SLC24A3: variants seen among roughly 807,000 people sequenced by gnomAD.
SLC24A3 encodes the protein solute carrier family 24 member 3, also known as sodium/potassium/calcium exchanger 3.
In SLC24A3, 28 loss-of-function variants were observed where a neutral mutation model predicts 75.8. The observed-to-expected ratio is 0.37, with a 90% confidence interval of 0.27 to 0.51. SLC24A3 has a LOEUF of 0.51. Among genes scored for constraint, SLC24A3 ranks in the 20% least tolerant of loss-of-function variants. The probability of loss-of-function intolerance (pLI) is 0.94; values close to 1 mark genes in which losing one functional copy is unlikely to be tolerated. For synonymous variants in SLC24A3, 372 were observed against 334.1 expected, an observed-to-expected ratio of 1.11 and a Z score of -1.24; for missense variants, 663 against 847.8, an observed-to-expected ratio of 0.78 and a Z score of 2.71.
In SLC24A3 at chr20:19,362,704, C is replaced by T. The variant is rs530552594; in HGVS notation, c.271+81617C>T. On this transcript the variant is annotated intron_variant, in intron 2 of 16. Transcript: ENST00000328041. ...CCCAAAGTAGAAGGAGGACTTGAAC[C>T]GACGTCTCCTGTGTCCCCTGCTGTT... Among the ~76,000 whole-genome samples the T allele has an allele frequency of 1.8e-4, 28 of 152,206 alleles. 1 individual carries two copies. Among genetic ancestry groups the T allele is most frequent in the African/African-American group, 6.0e-4 (25 of 41,512 alleles).
intron 1 of SLC24A3, among the ~76,000 whole-genome samples, chr20:19,256,534 C>T (rs997241764): frequency 5.3e-5 from 8 of 151,948 alleles, no homozygotes; most frequent in South Asian, 2.1e-4. Context: ...TTTGGGAGGC[C>T]GAGGTGGGCA....
At chr20:19,238,423 C>G (rs896963880) in intron 1 of SLC24A3, among the ~76,000 whole-genome samples, 1 of 152,198 alleles carries the variant, frequency 6.6e-6, no homozygotes, top group Non-Finnish European at 1.5e-5. Context: ...TCAGAACATT[C>G]TTGTTCATGC....
chr20:19,342,792 C>T (rs914802692), intron 2 of SLC24A3, among the ~76,000 whole-genome samples: 6 of 152,106 alleles, frequency 3.9e-5, no homozygotes, highest in Non-Finnish European at 7.3e-5. Flanking sequence ...GCAGAAGCGC[C>T]GGGCACGGTG....
At chr20:19,596,931 C>T (rs527315198) in intron 6 of SLC24A3, among the ~76,000 whole-genome samples, 2 of 152,194 alleles carry the variant, frequency 1.3e-5, no homozygotes, top group East Asian at 3.8e-4. Context: ...ATCTTAGGTC[C>T]AGCTAGAGTT....
chr20:19,220,805 G>T (rs1287426038), intron 1 of SLC24A3, among the ~76,000 whole-genome samples: 1 of 152,202 alleles, frequency 6.6e-6, no homozygotes, highest in Non-Finnish European at 1.5e-5. Context: ...CATGCTCCCA[G>T]TTGTGGCCTG....
chr20:19,592,898 C>G (rs547851685), intron 6 of SLC24A3, among the ~76,000 whole-genome samples: 3 of 148,200 alleles, frequency 2.0e-5, no homozygotes, highest in African/African-American at 7.5e-5. Context: ...CAAGTTTAAG[C>G]GATTCTCCTG....
At chr20:19,402,397 GAAAC>G (rs1002831889) in intron 2 of SLC24A3, among the ~76,000 whole-genome samples, 1 of 152,152 alleles carries the variant, frequency 6.6e-6, no homozygotes, top group Non-Finnish European at 1.5e-5. Context: ...GTTTGCTTCA[GAAAC>G]AAACAAACCA....
intron 2 of SLC24A3, among the ~76,000 whole-genome samples, chr20:19,333,967 A>G (rs947003388): frequency 1.3e-5 from 2 of 152,118 alleles, no homozygotes; most frequent in East Asian, 1.9e-4. Flanking sequence ...TGAGTATACT[A>G]AAAAAGGGTG....
intron 2 of SLC24A3, among the ~76,000 whole-genome samples, chr20:19,400,516 G>T (rs562306355): frequency 6.6e-6 from 1 of 152,118 alleles, no homozygotes; most frequent in Non-Finnish European, 1.5e-5. Context: ...TAACCTCTTC[G>T]AGTGGTTCTT....
intron 3 of SLC24A3, among the ~76,000 whole-genome samples, chr20:19,542,947 T>C (rs4813363): frequency 0.12 from 17,590 of 152,158 alleles, 1,222 homozygotes; most frequent in East Asian, 0.17. Flanking sequence ...AGTTTTAGCA[T>C]CTGTACAATG....
At chr20:19,309,066 C>CTCCT (rs1279068078) in intron 2 of SLC24A3, among the ~76,000 whole-genome samples, 1 of 152,172 alleles carries the variant, frequency 6.6e-6, no homozygotes, top group African/African-American at 2.4e-5. Context: ...GTAATTCAGA[C>CTCCT]CAGGGCCTCC....
chr20:19,450,428 A>T (rs1987460224), intron 2 of SLC24A3, among the ~76,000 whole-genome samples: 1 of 151,858 alleles, frequency 6.6e-6, no homozygotes, highest in Non-Finnish European at 1.5e-5. Context: ...TGTGGGGAGG[A>T]GGAGGTGGCA....
At chr20:19,415,728 A>T (rs1986817121) in intron 2 of SLC24A3, among the ~76,000 whole-genome samples, 1 of 152,096 alleles carries the variant, frequency 6.6e-6, no homozygotes, top group African/African-American at 2.4e-5. Context: ...ATTAGCATGC[A>T]TTTCAGAGAA....
intron 3 of SLC24A3, among the ~76,000 whole-genome samples, chr20:19,549,803 A>G (rs2030661691): frequency 6.6e-6 from 1 of 152,168 alleles, no homozygotes; most frequent in Non-Finnish European, 1.5e-5. Context: ...ACAAAACAAT[A>G]CAAACAAAAA....
At chr20:19,442,675 A>C (rs1391659321) in intron 2 of SLC24A3, among the ~76,000 whole-genome samples, 1 of 152,174 alleles carries the variant, frequency 6.6e-6, no homozygotes, top group Non-Finnish European at 1.5e-5. Context: ...CTCTCTGAGC[A>C]GTGTCTTTCA....
intron 15 of SLC24A3, 126 bp downstream of exon 15, chr20:19,698,806 A>G (rs970580310): frequency 1.2e-5 from 9 of 725,504 alleles, no homozygotes; most frequent in Admixed American, 2.4e-5. Context: ...TGAGGGGGAA[A>G]CAAATTCTCC....
intron 4 of SLC24A3, among the ~76,000 whole-genome samples, chr20:19,584,656 T>C (rs2031268990): frequency 6.6e-6 from 1 of 152,134 alleles, no homozygotes; most frequent in Non-Finnish European, 1.5e-5. Context: ...CCTGCGGGAA[T>C]TGGGTTGAAG....
intron 2 of SLC24A3, among the ~76,000 whole-genome samples, chr20:19,399,312 CTTCTT>C (rs1355888929): frequency 2.0e-5 from 3 of 151,824 alleles, no homozygotes; most frequent in Non-Finnish European, 2.9e-5. Flanking sequence ...TTTATTTGCT[CTTCTT>C]TTCTTAGTTT....
In SLC24A3 at chr20:19,665,287, C is replaced by T. The variant is rs542626210; in HGVS notation, c.688-577C>T. Among the ~76,000 whole-genome samples, 582 of 152,082 alleles carry T rather than the reference C, an allele frequency of 3.8e-3. 5 individuals are homozygous for T. The highest frequency in any genetic ancestry group is 0.013 in the African/African-American group (530 of 41,460). ...ATTTGTTGTTAATGCACTTATTTTT[C>T]GGGGTGATGGCAAGGAGTGTTGATC... On this transcript the variant is annotated intron_variant, in intron 7 of 16. Transcript: ENST00000328041.
Sources: allele counts gnomAD v4.1 joint callset (sites outside exome capture counted in the v4.1 genomes callset), GRCh38; gene constraint gnomAD v4.1.1; transcripts MANE v1.5; gene names NCBI Gene and HGNC (gene_info 2026-07-23, HGNC 2026-07-21).